CEP63: variants seen among roughly 807,000 people sequenced by gnomAD.
CEP63 encodes centrosomal protein of 63 kDa.
A neutral mutation model predicts 89.1 loss-of-function variants in CEP63; 84 were observed. The ratio of observed to expected loss-of-function variants is 0.94; its 90% CI spans 0.79 to 1.13. The LOEUF (loss-of-function observed/expected upper bound fraction) is 1.13. Among genes scored for constraint, CEP63 ranks in the 50% most tolerant of loss-of-function variants. The pLI, the probability that CEP63 is intolerant of heterozygous loss-of-function variation, is 0.00. For synonymous variants in CEP63, 267 were observed against 272.5 expected, an observed-to-expected ratio of 0.98 and a Z score of 0.20; for missense variants, 838 against 813.3, an observed-to-expected ratio of 1.03 and a Z score of -0.37.
At chr3:134,689,807 G>A in the CEP63 span, among the ~76,000 whole-genome samples, 2 of 152,044 alleles carry the variant, frequency 1.3e-5, no homozygotes, top group Non-Finnish European at 2.9e-5. Flanking sequence ...TGCATTAATG[G>A]AGAAACCAGT....
At chr3:134,516,681 A>G (rs913708036) in intron 3 of CEP63, among the ~76,000 whole-genome samples, 2 of 152,208 alleles carry the variant, frequency 1.3e-5, no homozygotes, top group Admixed American at 6.5e-5. Flanking sequence ...TTTGTTTAAC[A>G]AAACACATCT....
chr3:134,610,102 C>A, the CEP63 span: 10 of 1,376,808 alleles, frequency 7.3e-6, no homozygotes, highest in African/African-American at 1.4e-5. Flanking sequence ...CTTCCCCTCC[C>A]GCTTGGTCTT....
At chr3:134,559,630 G>T (rs1025928684) in intron 14 of CEP63, among the ~76,000 whole-genome samples, 9 of 152,104 alleles carry the variant, frequency 5.9e-5, no homozygotes, top group Non-Finnish European at 5.9e-5. Flanking sequence ...AAAATGTTCT[G>T]AAATATGTTA....
At chr3:134,708,565 G>T in the CEP63 span, among the ~76,000 whole-genome samples, 5 of 152,202 alleles carry the variant, frequency 3.3e-5, no homozygotes, top group African/African-American at 9.7e-5. Context: ...CACAAACACA[G>T]TTCTGGCATT....
At chr3:134,572,099 G>A (rs918536708) in intron 11 of CEP63, among the ~76,000 whole-genome samples, 1 of 152,142 alleles carries the variant, frequency 6.6e-6, no homozygotes, top group East Asian at 1.9e-4. Flanking sequence ...CTTGGGAAGT[G>A]TCTGTGGACT....
the CEP63 span, among the ~76,000 whole-genome samples, chr3:134,750,304 A>G: frequency 1.4e-4 from 22 of 152,258 alleles, no homozygotes; most frequent in South Asian, 4.6e-3. Context: ...CGTCCCTGCT[A>G]GTATATGACC....
Position 134,562,979 on chromosome 3 carries a change from T to A in CEP63, c.*1444T>A, listed in dbSNP as rs989568343. Reference sequence around the variant, plus strand: ...TATAGGCCAGTGACCCTTACATTTATTACTAATCTTGACCTCTCCCCAGAG... The same window carrying A: ...TATAGGCCAGTGACCCTTACATTTAATACTAATCTTGACCTCTCCCCAGAG... On this transcript the variant is annotated 3_prime_UTR_variant, in exon 15 of 15. Transcript: ENST00000675561. The A allele has an allele frequency of 2.0e-5, 3 of 152,264 alleles. No homozygotes were observed. The highest frequency in any genetic ancestry group is 4.4e-5 in the Non-Finnish European group (3 of 68,088). The allele number at this position is 152,264 out of a possible 1,614,324, so 9.4% of individuals were successfully genotyped here.
chr3:134,751,054 T>C, the CEP63 span, among the ~76,000 whole-genome samples: 1 of 152,248 alleles, frequency 6.6e-6, no homozygotes, highest in Non-Finnish European at 1.5e-5. Context: ...TAGATTTGCC[T>C]ATTTCATATA....
chr3:134,728,144 A>G, the CEP63 span, among the ~76,000 whole-genome samples: 100 of 152,298 alleles, frequency 6.6e-4, no homozygotes, highest in African/African-American at 2.3e-3. Context: ...AATTTAAATG[A>G]TGGCAGTTGG....
the CEP63 span, among the ~76,000 whole-genome samples, chr3:134,682,336 C>G: frequency 5.3e-5 from 8 of 152,084 alleles, no homozygotes; most frequent in African/African-American, 1.9e-4. Flanking sequence ...AGTCTGCAAT[C>G]GTACTGAGAG....
chr3:134,659,131 G>A, the CEP63 span, among the ~76,000 whole-genome samples: 3 of 152,174 alleles, frequency 2.0e-5, no homozygotes, highest in Non-Finnish European at 2.9e-5. Flanking sequence ...GCTGGGGAGG[G>A]AGATGATGAA....
chr3:134,703,906 G>T, the CEP63 span, among the ~76,000 whole-genome samples: 1 of 152,204 alleles, frequency 6.6e-6, no homozygotes, highest in Non-Finnish European at 1.5e-5. Flanking sequence ...CTTGAATGCT[G>T]AAGTCTCTCT....
the CEP63 span, among the ~76,000 whole-genome samples, chr3:134,655,577 G>A: frequency 2.6e-3 from 390 of 152,246 alleles, 2 homozygotes; most frequent in African/African-American, 8.9e-3. Flanking sequence ...CAGGTAGCAG[G>A]GGACACCCAA....
the CEP63 span, among the ~76,000 whole-genome samples, chr3:134,760,150 C>G: frequency 4.0e-5 from 6 of 151,572 alleles, no homozygotes; most frequent in Admixed American, 2.6e-4. Flanking sequence ...GCTCCGCCTC[C>G]CGGGTTCACG....
At chr3:134,604,464 C>T in the CEP63 span, 3 of 1,604,474 alleles carry the variant, frequency 1.9e-6, no homozygotes, top group Non-Finnish European at 2.6e-6. Flanking sequence ...TGACCGTGGC[C>T]TTCCCATTCA....
intron 2 of CEP63, among the ~76,000 whole-genome samples, chr3:134,499,820 CTTTTTTTTTTTT>C (rs747946881): frequency 1.0e-5 from 1 of 99,128 alleles, no homozygotes; most frequent in Non-Finnish European, 1.9e-5. Flanking sequence ...CCATCTTCAT[CTTTTTTTTTTTT>C]TTTTTTTTTG....
intron 10 of CEP63, among the ~76,000 whole-genome samples, chr3:134,584,084 G>T (rs1958426418): frequency 6.6e-6 from 1 of 152,290 alleles, no homozygotes; most frequent in East Asian, 1.9e-4. Context: ...GGGTTGAGAT[G>T]ATGGGGTTTT....
At chr3:134,525,402 C>T (rs1948435765) in intron 3 of CEP63, among the ~76,000 whole-genome samples, 11 of 152,120 alleles carry the variant, frequency 7.2e-5, no homozygotes, top group Admixed American at 6.5e-4. Context: ...TATTTCTCAT[C>T]TTCTGCTATG....
the CEP63 span, among the ~76,000 whole-genome samples, chr3:134,654,076 A>G: frequency 2.6e-5 from 4 of 152,224 alleles, no homozygotes; most frequent in African/African-American, 9.6e-5. Context: ...CAGTCAAAAT[A>G]GTTGTATTGT....
Sources: allele counts gnomAD v4.1 joint callset (sites outside exome capture counted in the v4.1 genomes callset), GRCh38; gene constraint gnomAD v4.1.1; transcripts MANE v1.5; gene names NCBI Gene and HGNC (gene_info 2026-07-23, HGNC 2026-07-21).